The following RUNX1 variants were observed in gnomAD, a reference collection of about 807,000 sequenced individuals.
The protein encoded by RUNX1 is runt-related transcription factor 1.
Under a neutral mutation model 42.8 loss-of-function variants are expected in RUNX1, and 19 were observed. The observed-to-expected ratio is 0.44, with a 90% CI of 0.31 to 0.65. The LOEUF (loss-of-function observed/expected upper bound fraction) is 0.65, where lower values mean the gene tolerates loss of function less well. Ranked by LOEUF, RUNX1 falls within the 30% of genes least tolerant of loss-of-function variation. The pLI is 0.07. For synonymous variants in RUNX1, 271 were observed against 289.4 expected (o/e 0.94, Z 0.64); for missense variants, 528 against 672.0 (o/e 0.79, Z 2.37).
At chr21:34,903,996 A>G (rs758831354) in intron 2 of RUNX1, among the ~76,000 whole-genome samples, 27 of 152,220 alleles carry the variant, frequency 1.8e-4, no homozygotes, top group Non-Finnish European at 3.2e-4. Context: ...TTTTCAGGTT[A>G]CATTATTACT....
chr21:34,874,261 C>A (rs542728507), intron 5 of RUNX1, among the ~76,000 whole-genome samples: 1 of 152,148 alleles, frequency 6.6e-6, no homozygotes, highest in East Asian at 1.9e-4. Flanking sequence ...TCATAAACAT[C>A]TCTTTACTGA....
At chr21:34,929,772 G>C (rs1023068262) in intron 2 of RUNX1, among the ~76,000 whole-genome samples, 2 of 152,144 alleles carry the variant, frequency 1.3e-5, no homozygotes, top group African/African-American at 4.8e-5. Flanking sequence ...CTTTACCCAA[G>C]TCACTTCTGC....
At chr21:35,024,319 A>T (rs1243879829) in intron 2 of RUNX1, among the ~76,000 whole-genome samples, 2 of 152,254 alleles carry the variant, frequency 1.3e-5, no homozygotes, top group Non-Finnish European at 1.5e-5. Context: ...TCAGGGTAGC[A>T]GAAACCTGGT....
intron 2 of RUNX1, among the ~76,000 whole-genome samples, chr21:34,902,338 A>G (rs150580177): frequency 1.5e-3 from 226 of 152,318 alleles, no homozygotes; most frequent in African/African-American, 5.2e-3. Context: ...CTGGTAGAGC[A>G]GTAGGTAGGT....
intron 5 of RUNX1, among the ~76,000 whole-genome samples, chr21:34,869,613 T>C (rs1349727677): frequency 6.6e-6 from 1 of 152,180 alleles, no homozygotes; most frequent in Admixed American, 6.5e-5. Context: ...AGTTTATACG[T>C]GGCCAAAAGA....
intron 7 of RUNX1, among the ~76,000 whole-genome samples, chr21:34,830,173 A>G (rs1442408208): frequency 2.6e-5 from 4 of 152,218 alleles, no homozygotes; most frequent in Non-Finnish European, 5.9e-5. Flanking sequence ...ACGCATACTC[A>G]TAAAAGTGGA....
chr21:34,956,667 G>A (rs1314434588), intron 2 of RUNX1, among the ~76,000 whole-genome samples: 2 of 152,188 alleles, frequency 1.3e-5, no homozygotes, highest in Non-Finnish European at 2.9e-5. Flanking sequence ...ATGAATGGGT[G>A]ACTAGCTCAC....
intron 2 of RUNX1, among the ~76,000 whole-genome samples, chr21:34,954,992 C>G (rs2058634532): frequency 6.6e-6 from 1 of 152,116 alleles, no homozygotes; most frequent in South Asian, 2.1e-4. Context: ...GAAAATACAG[C>G]CTTCAGCTTG....
At chr21:34,801,285 G>A (rs983782506) in intron 7 of RUNX1, among the ~76,000 whole-genome samples, 7 of 151,916 alleles carry the variant, frequency 4.6e-5, no homozygotes, top group African/African-American at 9.7e-5. Context: ...AGTAATTCAC[G>A]CCTTGTTGTG....
In RUNX1 at chr21:34,791,785, C is replaced by A; in HGVS notation, c.*350G>T. The stretch of plus-strand genomic sequence containing the variant: ...GGTATAAAATCTTTCTTTTTATTCA[C>A]AGCATTGCTAAATCAGAAGCATTCA... On this transcript the variant is annotated 3_prime_UTR_variant, in exon 9 of 9. Coordinates refer to ENST00000675419, the MANE Select transcript of RUNX1 (RefSeq NM_001754.5). 4.4e-6 allele frequency: 1 copy of A among 226,088 alleles called. No individual in the cohort carries two copies. Among genetic ancestry groups the A allele is most frequent in the East Asian group, 6.3e-5 (1 of 15,758 alleles). 14.0% of individuals were successfully genotyped at this position (226,088 alleles called of 1,614,324 possible). A position where few individuals can be genotyped will look rare whatever the true frequency, so the allele number is the denominator to read the frequency against.
At chr21:34,965,202 GCACA>G (rs761858745) in intron 2 of RUNX1, among the ~76,000 whole-genome samples, 2 of 150,954 alleles carry the variant, frequency 1.3e-5, no homozygotes, top group African/African-American at 2.4e-5. Flanking sequence ...TCCCGCACGT[GCACA>G]CACACAGCCT....
At chr21:34,893,773 T>TAAAGG (rs2058105817) in intron 2 of RUNX1, among the ~76,000 whole-genome samples, 1 of 120,768 alleles carries the variant, frequency 8.3e-6, no homozygotes, top group African/African-American at 3.9e-5. Context: ...GTATGCTGTT[T>TAAAGG]TTTTTTTTTT....
chr21:34,807,820 G>A (rs1354736487), intron 7 of RUNX1, among the ~76,000 whole-genome samples: 3 of 152,224 alleles, frequency 2.0e-5, no homozygotes, highest in Non-Finnish European at 4.4e-5. Flanking sequence ...CAAAGGGGGT[G>A]ACCCCAGATG....
chr21:34,926,863 G>C (rs1293835543), intron 2 of RUNX1, among the ~76,000 whole-genome samples: 1 of 152,126 alleles, frequency 6.6e-6, no homozygotes, highest in African/African-American at 2.4e-5. Flanking sequence ...ACCTTAGAGA[G>C]AAAATCAAAA....
At chr21:35,007,821 C>T (rs950586206) in intron 2 of RUNX1, among the ~76,000 whole-genome samples, 7 of 152,126 alleles carry the variant, frequency 4.6e-5, no homozygotes, top group Non-Finnish European at 7.4e-5. Context: ...TACCCCCAAA[C>T]GCCGATGAGA....
chr21:34,844,269 C>T (rs1370866764), intron 6 of RUNX1, among the ~76,000 whole-genome samples: 4 of 152,200 alleles, frequency 2.6e-5, no homozygotes, highest in Admixed American at 6.5e-5. Flanking sequence ...TCACAGAACG[C>T]TGCCTGGAGC....
chr21:35,045,940 G>C (rs2059393135), intron 2 of RUNX1, among the ~76,000 whole-genome samples: 1 of 152,038 alleles, frequency 6.6e-6, no homozygotes. Flanking sequence ...GAGTGTTCAG[G>C]CTTTGCATAG....
In RUNX1 at chr21:34,907,815, T is replaced by A. The variant is rs753423136; in HGVS notation, c.59-14852A>T. ...CATCCTTCTGTGGAATAGCATTGGG[T>A]CATTTCGTTCAGAGGCGAAAAGATT... On this transcript the variant is annotated intron_variant, in intron 2 of 8. Transcript: ENST00000675419. The surrounding 1 kb of genome is among the most constrained non-coding windows in gnomAD (Gnocchi z 5.3). 6.6e-6 allele frequency among the ~76,000 whole-genome samples: 1 copy of A among 152,166 alleles called. No homozygotes were observed.
At chr21:34,891,500 C>G (rs1429711765) in intron 3 of RUNX1, among the ~76,000 whole-genome samples, 2 of 152,012 alleles carry the variant, frequency 1.3e-5, no homozygotes, top group African/African-American at 4.8e-5. Context: ...CTTAGTCGGC[C>G]GGGCATTTTA....
Sources: gnomAD v4.1 joint callset for allele counts (sites outside exome capture counted in the v4.1 genomes callset) on GRCh38, gnomAD v4.1.1 for gene constraint, Gnocchi (gnomAD v3.1) non-coding constraint, MANE v1.5 for transcripts, NCBI Gene and HGNC (gene_info 2026-07-23, HGNC 2026-07-21) for gene names.